The following KCNQ1OT1 variants were observed in gnomAD, a reference collection of about 807,000 sequenced individuals.
KCNQ1OT1 encodes the protein KCNQ1 opposite strand/antisense transcript 1.
At chr11:2,634,085 G>C (rs1194040587) in exon 1 of KCNQ1OT1, 1 of 397,050 alleles carries the variant, frequency 2.5e-6, no homozygotes, top group East Asian at 3.6e-5. Flanking sequence ...GTGGTTCCAT[G>C]CAAGTTTAAG....
exon 1 of KCNQ1OT1, chr11:2,619,231 A>C (rs949862413): frequency 1.3e-5 from 5 of 398,364 alleles, no homozygotes; most frequent in Non-Finnish European, 2.2e-5. Flanking sequence ...TAGTAGCTAG[A>C]GTGGGCATCC....
chr11:2,687,644 T>A lies in KCNQ1OT1; in HGVS notation n.12351A>T. On this transcript the variant is annotated non_coding_transcript_exon_variant, in exon 1 of 1. Transcript: ENST00000597346. This position sits in a 1 kb window ranked among gnomAD's most constrained non-coding sequence, Gnocchi z 5.0. ...CATTCCTCTCAGGCCCCTGTAAAAA[T>A]TGGGACCTGTCCTTGCCAGCCAGGT... 2 of 398,626 alleles carry A rather than the reference T, an allele frequency of 5.0e-6. No individual in the cohort carries two copies. The highest frequency in any genetic ancestry group is 3.6e-5 in the East Asian group (1 of 28,076). 24.7% of individuals were successfully genotyped at this position (398,626 alleles called of 1,614,324 possible).
In KCNQ1OT1 at chr11:2,678,805, A is replaced by G. The variant is rs1268219166; in HGVS notation, n.21190T>C. ...GCTAATAATGTCAGGGAGCATGAGC[A>G]CTTGTTTCTTCCAAGGCTCACTTCA... On this transcript the variant is annotated non_coding_transcript_exon_variant, in exon 1 of 1. Coordinates refer to ENST00000597346, the Ensembl canonical transcript of KCNQ1OT1. This position sits in a 1 kb window ranked among gnomAD's most constrained non-coding sequence, Gnocchi z 4.9. The G allele has an allele frequency of 1.8e-5, 7 of 398,492 alleles. No homozygotes were observed. Among genetic ancestry groups the G allele is most frequent in the East Asian group, 3.6e-5 (1 of 28,086 alleles). The allele number at this position is 398,492 out of a possible 1,614,324, so 24.7% of individuals were successfully genotyped here.
At chr11:2,610,342 T>G in exon 1 of KCNQ1OT1, 1 of 398,170 alleles carries the variant, frequency 2.5e-6, no homozygotes, top group Non-Finnish European at 4.4e-6. Context: ...TGCGCTATTA[T>G]AATGATCATA....
chr11:2,666,487 G>A, exon 1 of KCNQ1OT1: 1 of 398,684 alleles, frequency 2.5e-6, no homozygotes, highest in East Asian at 3.6e-5. Flanking sequence ...AGACATTCGA[G>A]TTGCTCTTTT....
rs141879881 is a variant in KCNQ1OT1, at chr11:2,670,207, G to A, written n.29788C>T. 1.7e-3 allele frequency: 676 copies of A among 398,592 alleles called. 3 individuals carry two copies. The highest frequency in any genetic ancestry group is 5.7e-3 in the Middle Eastern group (9 of 1,590). 24.7% of individuals were successfully genotyped at this position (398,592 alleles called of 1,614,324 possible). On this transcript the variant is annotated non_coding_transcript_exon_variant, in exon 1 of 1. Coordinates refer to ENST00000597346, the Ensembl canonical transcript of KCNQ1OT1. This position sits in a 1 kb window ranked among gnomAD's most constrained non-coding sequence, Gnocchi z 4.9. ...ATTAAAGCAGAGTGAAGAGCAGGGC[G>A]AGCTGTGTAGCTCACCTGCCTTTGA...
At chr11:2,650,750 T>C (rs575787607) in exon 1 of KCNQ1OT1, 5 of 398,686 alleles carry the variant, frequency 1.3e-5, no homozygotes, top group African/African-American at 4.1e-5. Context: ...CTCACTTTGC[T>C]ACCCACAGGC....
chr11:2,632,919 C>T (rs1300308268), exon 1 of KCNQ1OT1: 2 of 398,262 alleles, frequency 5.0e-6, no homozygotes, highest in African/African-American at 2.1e-5. Flanking sequence ...ATTTCCTTTC[C>T]TTTGAGTCAA....
Position 2,692,668 on chromosome 11 carries a change from C to T in KCNQ1OT1, n.7327G>A, listed in dbSNP as rs1850607731. ...TCCCCTCAGGGTGCAAACGGTCCTT[C>T]AACATTAGTTAGTCTTTCTCCCCTT... On this transcript the variant is annotated non_coding_transcript_exon_variant, in exon 1 of 1. Coordinates refer to ENST00000597346, the Ensembl canonical transcript of KCNQ1OT1. 5 of 398,702 alleles carry T rather than the reference C, an allele frequency of 1.3e-5. No individual in the cohort carries two copies. The Admixed American group carries it at 2.2e-4, about 18-fold the overall frequency. The allele number at this position is 398,702 out of a possible 1,614,324, so 24.7% of individuals were successfully genotyped here. A position where few individuals can be genotyped will look rare whatever the true frequency, so the allele number is the denominator to read the frequency against.
chr11:2,656,915 A>G lies in KCNQ1OT1; in HGVS notation n.43080T>C, dbSNP rs1849860755. On this transcript the variant is annotated non_coding_transcript_exon_variant, in exon 1 of 1. Transcript: ENST00000597346. Reference sequence around the variant, plus strand: ...TTTGGTATATGATGTGAGGTAATTAAGGGTCCAACTTAATGTTTTTCCAGT... The same window carrying G: ...TTTGGTATATGATGTGAGGTAATTAGGGGTCCAACTTAATGTTTTTCCAGT... 5 of 398,528 alleles carry G rather than the reference A, an allele frequency of 1.3e-5. No individual in the cohort carries two copies. In the South Asian group the frequency reaches 6.4e-4, roughly 51 times the overall value. 24.7% of individuals were successfully genotyped at this position (398,528 alleles called of 1,614,324 possible).
rs1850177126 is a variant in KCNQ1OT1, at chr11:2,671,164, A to G, written n.28831T>C. 2 of 398,540 alleles carry G rather than the reference A, an allele frequency of 5.0e-6. No homozygotes were observed. The highest frequency in any genetic ancestry group is 8.8e-6 in the Non-Finnish European group (2 of 226,102). The allele number at this position is 398,540 out of a possible 1,614,324, so 24.7% of individuals were successfully genotyped here. A position where few individuals can be genotyped will look rare whatever the true frequency, so the allele number is the denominator to read the frequency against. On this transcript the variant is annotated non_coding_transcript_exon_variant, in exon 1 of 1. Transcript: ENST00000597346. The surrounding 1 kb of genome is among the most constrained non-coding windows in gnomAD (Gnocchi z 4.7). ...GGAGGCCTGAGGTGCCATCTTAGAA[A>G]TAGGGCCTTGTTAGGAGAAAAGGAA... is the stretch of plus-strand genomic sequence containing the variant.
At position 2,698,966 on chromosome 11, in the gene KCNQ1OT1, C is replaced by A; in HGVS notation, n.1029G>T. ...CCCAACTAGGATACCTAACTCAGAA[C>A]CACAACGGGGATTCCCACCTCCGAT... On this transcript the variant is annotated non_coding_transcript_exon_variant, in exon 1 of 1. Coordinates refer to ENST00000597346, the Ensembl canonical transcript of KCNQ1OT1. This position sits in a 1 kb window ranked among gnomAD's most constrained non-coding sequence, Gnocchi z 5.1. 2.5e-6 allele frequency: 1 copy of A among 398,648 alleles called. No homozygotes were observed. The highest frequency in any genetic ancestry group is 4.4e-6 in the Non-Finnish European group (1 of 226,072). The allele number at this position is 398,648 out of a possible 1,614,324, so 24.7% of individuals were successfully genotyped here. A position where few individuals can be genotyped will look rare whatever the true frequency, so the allele number is the denominator to read the frequency against.
exon 1 of KCNQ1OT1, chr11:2,638,626 C>A (rs1168532945): frequency 1.3e-5 from 2 of 152,190 alleles, no homozygotes; most frequent in Admixed American, 6.5e-5. Context: ...TTCATTTCAA[C>A]TTTGGTGAAT....
At chr11:2,648,331 G>T (rs920110989) in exon 1 of KCNQ1OT1, 11 of 398,204 alleles carry the variant, frequency 2.8e-5, no homozygotes, top group Non-Finnish European at 4.4e-5. Flanking sequence ...ATTTGTTCTT[G>T]CTTTTCTAGT....
At chr11:2,688,909 C>G (rs527494325) in exon 1 of KCNQ1OT1, 61 of 399,028 alleles carry the variant, frequency 1.5e-4, no homozygotes, top group Non-Finnish European at 2.3e-4. Flanking sequence ...GGGCTAGGGC[C>G]ACCCCACACA....
exon 1 of KCNQ1OT1, chr11:2,694,675 G>A (rs1026289280): frequency 1.8e-5 from 7 of 398,466 alleles, no homozygotes; most frequent in African/African-American, 6.2e-5. Context: ...GACCCTATAC[G>A]GAAGACAGAT....
At position 2,612,729 on chromosome 11, in the gene KCNQ1OT1, C is replaced by T; in HGVS notation, n.87266G>A. 2.5e-6 allele frequency: 1 copy of T among 398,482 alleles called. No individual in the cohort carries two copies. Among genetic ancestry groups the T allele is most frequent in the Admixed American group, 4.4e-5 (1 of 22,724 alleles). 24.7% of individuals were successfully genotyped at this position (398,482 alleles called of 1,614,324 possible). On this transcript the variant is annotated non_coding_transcript_exon_variant, in exon 1 of 1. Coordinates refer to ENST00000597346, the Ensembl canonical transcript of KCNQ1OT1. The surrounding 1 kb of genome is among the most constrained non-coding windows in gnomAD (Gnocchi z 5.5). ...TGAAATCGCGCCCTAACATTTGGGG[C>T]CCTTCAGAGATAATTCCTATTTATT...
exon 1 of KCNQ1OT1, chr11:2,656,717 TAACTC>T (rs1849855882): frequency 2.5e-6 from 1 of 398,530 alleles, no homozygotes; most frequent in Non-Finnish European, 4.4e-6. Flanking sequence ...GATTGGGTCT[TAACTC>T]TAATGTCAAA....
exon 1 of KCNQ1OT1, chr11:2,684,513 C>G: frequency 7.5e-6 from 3 of 398,664 alleles, no homozygotes; most frequent in Non-Finnish European, 1.3e-5. Flanking sequence ...TCCTATTCCA[C>G]TGTTAGGTGT....
Sources: allele counts gnomAD v4.1 joint callset, GRCh38; gene constraint gnomAD v4.1.1; non-coding constraint Gnocchi (gnomAD v3.1); transcripts MANE v1.5; gene names NCBI Gene and HGNC (gene_info 2026-07-23, HGNC 2026-07-21).